STAG1: variants seen among roughly 807,000 people sequenced by gnomAD.
STAG1 encodes STAG1 cohesin complex component, also known as cohesin subunit SA-1.
STAG1 carries 26 observed loss-of-function variants against 170.9 expected under a neutral mutation model. The observed-to-expected ratio is 0.15, with a 90% confidence interval of 0.11 to 0.21. STAG1 has a LOEUF of 0.21. STAG1 is among the 10% of genes least tolerant of loss of function. STAG1 has a pLI of 1.00. For synonymous variants in STAG1, 514 were observed against 497.7 expected (o/e 1.03, Z -0.44); for missense variants, 964 against 1,509.5 (o/e 0.64, Z 5.99).
chr3:136,470,330 T>C (rs2089592072), intron 12 of STAG1, among the ~76,000 whole-genome samples: 1 of 152,170 alleles, frequency 6.6e-6, no homozygotes. Flanking sequence ...GCAAAGGATA[T>C]GAACAGACAC....
intron 9 of STAG1, among the ~76,000 whole-genome samples, chr3:136,498,257 C>CACACATATACATATACAT (rs1553733393): frequency 1.2e-5 from 1 of 83,676 alleles, no homozygotes; most frequent in African/African-American, 6.3e-5. Flanking sequence ...CATACACACA[C>CACACATATACATATACAT]ACACACACAC....
At chr3:136,537,016 A>G (rs1935667229) in intron 6 of STAG1, among the ~76,000 whole-genome samples, 1 of 152,180 alleles carries the variant, frequency 6.6e-6, no homozygotes, top group Admixed American at 6.5e-5. Flanking sequence ...CAGTCATTGT[A>G]TATTTTCTTT....
intron 1 of STAG1, among the ~76,000 whole-genome samples, chr3:136,749,611 T>G (rs1935124658): frequency 6.6e-6 from 1 of 151,924 alleles, no homozygotes; most frequent in South Asian, 2.1e-4. Flanking sequence ...GTGGGCATGG[T>G]GGCACGCACT....
rs1933403091 is a variant in STAG1, at chr3:136,500,428, T to A, written c.829-132A>T. 5 of 588,376 alleles carry A rather than the reference T, an allele frequency of 8.5e-6. No homozygotes were observed. The Admixed American group carries it at 1.8e-4, about 21-fold the overall frequency. The allele number at this position is 588,376 out of a possible 1,614,324, so 36.4% of individuals were successfully genotyped here. A position where few individuals can be genotyped will look rare whatever the true frequency, so the allele number is the denominator to read the frequency against. On this transcript the variant is annotated intron_variant, in intron 8 of 33. Coordinates refer to ENST00000383202, the MANE Select transcript of STAG1 (RefSeq NM_005862.3). Reference sequence around the variant, plus strand: ...ATCCTTTTCTCACTTGTAGTACAGATGTGTGAAAATACCAGTATATTTCCA... The same window carrying A: ...ATCCTTTTCTCACTTGTAGTACAGAAGTGTGAAAATACCAGTATATTTCCA...
chr3:136,622,430 A>AG (rs1317402533), intron 3 of STAG1, among the ~76,000 whole-genome samples: 1 of 152,122 alleles, frequency 6.6e-6, no homozygotes, highest in Non-Finnish European at 1.5e-5. Context: ...GAAAAAAAGG[A>AG]GGAGGGGTGA....
rs1943495221 is a variant in STAG1, at chr3:136,714,982, A to AT, written c.-84+37212dup. ...ATATATATTTTATATATATATTTTT[A>AT]TATATATATTTTATATATATAATAT... On this transcript the variant is annotated intron_variant, in intron 1 of 33. Transcript: ENST00000383202. Among the ~76,000 whole-genome samples the AT allele has an allele frequency of 4.6e-5, 5 of 108,216 alleles. No individual in the cohort carries two copies. The Admixed American group carries it at 5.3e-4, about 12-fold the overall frequency. 71.0% of individuals were successfully genotyped at this position (108,216 alleles called of 152,430 possible).
chr3:136,714,639 A>T (rs1193292461), intron 1 of STAG1, among the ~76,000 whole-genome samples: 1 of 151,982 alleles, frequency 6.6e-6, no homozygotes. Context: ...GAGGCAGGAG[A>T]ATGGCATGAA....
intron 1 of STAG1, among the ~76,000 whole-genome samples, chr3:136,728,210 C>T (rs192283434): frequency 2.1e-3 from 315 of 152,130 alleles, no homozygotes; most frequent in African/African-American, 6.8e-3. Context: ...AGTTTACTTA[C>T]ACTAAATAGT....
intron 5 of STAG1, among the ~76,000 whole-genome samples, chr3:136,551,123 C>G (rs1281676482): frequency 6.8e-6 from 1 of 146,820 alleles, no homozygotes; most frequent in Non-Finnish European, 1.5e-5. Context: ...TGTTTCATTT[C>G]CTTTAAGATG....
intron 4 of STAG1, among the ~76,000 whole-genome samples, chr3:136,587,097 A>G (rs1937868070): frequency 6.6e-6 from 1 of 152,114 alleles, no homozygotes; most frequent in Admixed American, 6.5e-5. Context: ...TGAACTATAC[A>G]TGAAGCTGCT....
intron 12 of STAG1, among the ~76,000 whole-genome samples, chr3:136,472,190 G>A (rs1202328857): frequency 2.6e-5 from 4 of 151,876 alleles, no homozygotes; most frequent in East Asian, 1.9e-4. Flanking sequence ...TCTCTAGGCT[G>A]CATAAAATAA....
intron 27 of STAG1, among the ~76,000 whole-genome samples, chr3:136,358,913 C>G (rs1936756238): frequency 6.6e-6 from 1 of 152,074 alleles, no homozygotes; most frequent in Admixed American, 6.5e-5. Context: ...TACTGACAGA[C>G]CAGACAATAA....
chr3:136,741,103 G>C (rs1046565404), intron 1 of STAG1, among the ~76,000 whole-genome samples: 37 of 152,132 alleles, frequency 2.4e-4, no homozygotes, highest in Non-Finnish European at 2.9e-5. Flanking sequence ...GAAGGGTCCT[G>C]GAAGAAAGAC....
intron 21 of STAG1, among the ~76,000 whole-genome samples, chr3:136,414,946 G>A (rs972402265): frequency 6.6e-6 from 1 of 152,164 alleles, no homozygotes. Flanking sequence ...GCCTGTCAAT[G>A]GAGCAGTCAA....
intron 6 of STAG1, among the ~76,000 whole-genome samples, chr3:136,540,874 A>T (rs937685507): frequency 1.9e-4 from 27 of 142,478 alleles, no homozygotes; most frequent in African/African-American, 5.3e-4. Flanking sequence ...ATTTTCCTGA[A>T]TTTCTCAACT....
chr3:136,607,758 A>G (rs920987222), intron 3 of STAG1, among the ~76,000 whole-genome samples: 1 of 152,166 alleles, frequency 6.6e-6, no homozygotes, highest in Non-Finnish European at 1.5e-5. Flanking sequence ...GGCCAATGGG[A>G]GCTCTTTTAG....
At chr3:136,633,701 C>CAA (rs543370240) in intron 1 of STAG1, among the ~76,000 whole-genome samples, 35 of 14,288 alleles carry the variant, frequency 2.4e-3, no homozygotes, top group Non-Finnish European at 3.1e-3. Context: ...GTTTCCATAT[C>CAA]AAAAAAAAAG....
intron 1 of STAG1, among the ~76,000 whole-genome samples, chr3:136,650,204 C>T (rs1941167998): frequency 6.7e-6 from 1 of 149,874 alleles, no homozygotes; most frequent in Non-Finnish European, 1.5e-5. Flanking sequence ...CAACTGTACT[C>T]CAGCCTGGGT....
intron 9 of STAG1, among the ~76,000 whole-genome samples, chr3:136,485,766 C>T (rs1302074672): frequency 6.6e-6 from 1 of 152,158 alleles, no homozygotes; most frequent in East Asian, 1.9e-4. Flanking sequence ...TAAATATTAT[C>T]CTGTAGGCCT....
Sources: gnomAD v4.1 joint callset for allele counts (sites outside exome capture counted in the v4.1 genomes callset) on GRCh38, gnomAD v4.1.1 for gene constraint, MANE v1.5 for transcripts, NCBI Gene and HGNC (gene_info 2026-07-23, HGNC 2026-07-21) for gene names.